The following FRY variants were observed in gnomAD, a reference collection of about 807,000 sequenced individuals.
FRY encodes FRY microtubule binding protein.
Under a neutral mutation model 348.4 loss-of-function variants are expected in FRY, and 128 were observed. The ratio of observed to expected loss-of-function variants is 0.37; its 90% CI spans 0.32 to 0.43. The LOEUF (loss-of-function observed/expected upper bound fraction) is 0.43, where lower values mean the gene tolerates loss of function less well. Ranked by LOEUF, FRY falls within the 20% of genes least tolerant of loss-of-function variation. FRY has a pLI of 1.00. For missense variants in FRY, 2,736 were observed against 3,695.2 expected (o/e 0.74, Z 6.73); for synonymous variants, 1,370 against 1,374.7 (o/e 1.00, Z 0.08).
chr13:32,262,695 G>C (rs1887722035), intron 53 of FRY, among the ~76,000 whole-genome samples: 2 of 152,172 alleles, frequency 1.3e-5, no homozygotes, highest in Admixed American at 6.5e-5. Flanking sequence ...TTGGCTGAAA[G>C]ACTTGATTTG....
chr13:32,249,659 T>C lies in FRY; in HGVS notation c.7142T>C (p.Val2381Ala). The change falls in exon 49 of 61, where the codon GTG becomes GCG. Residue 2381 changes from valine (V) to alanine (A), a missense_variant. By Grantham distance (64) the Val-to-Ala change is moderately conservative. Transcript: ENST00000542859. ...SGSNSNVLVP[V>A]SWKRPQYSQK... Reference sequence around the variant, plus strand: ...TCCAACTCCAACGTCCTTGTTCCAGTGAGCTGGAAAAGGCCCCAGTATTCT... The same window carrying C: ...TCCAACTCCAACGTCCTTGTTCCAGCGAGCTGGAAAAGGCCCCAGTATTCT... The C allele has an allele frequency of 6.2e-7, 1 of 1,613,188 alleles. No individual in the cohort carries two copies. The highest frequency in any genetic ancestry group is 8.5e-7 in the Non-Finnish European group (1 of 1,179,170).
rs1377118027 is a variant in FRY, at chr13:32,237,492, G to A, written c.5924G>A (p.Arg1975Gln). The A allele has an allele frequency of 1.9e-6, 3 of 1,614,014 alleles. No individual in the cohort carries two copies. Among genetic ancestry groups the A allele is most frequent in the East Asian group, 2.2e-5 (1 of 44,886 alleles). The change falls in exon 44 of 61, where the codon CGG (arginine) becomes CAG (glutamine). Residue 1975 changes from arginine to glutamine, a missense_variant. Arg to Gln is a conservative substitution (Grantham distance 43). Coordinates refer to ENST00000542859, the MANE Select transcript of FRY (RefSeq NM_023037.3). This position sits in a 1 kb window ranked among gnomAD's most constrained non-coding sequence, Gnocchi z 6.3. ...TTSGNTATAE[R>Q]SRHQRSFSVP... ...AGCGGCAACACCGCAACTGCCGAAC[G>A]GAGCCGGCATCAACGAAGCTTCTCT... is the stretch of plus-strand genomic sequence containing the variant.
At chr13:32,054,428 A>G (rs2138416796) in intron 1 of FRY, among the ~76,000 whole-genome samples, 1 of 152,022 alleles carries the variant, frequency 6.6e-6, no homozygotes, top group East Asian at 1.9e-4. Flanking sequence ...CTAGACCAAA[A>G]AAAAATAAAA....
At chr13:32,099,286 A>G (rs1030078019) in intron 2 of FRY, among the ~76,000 whole-genome samples, 28 of 152,062 alleles carry the variant, frequency 1.8e-4, no homozygotes, top group East Asian at 1.3e-3. Context: ...ATATATATAC[A>G]GGTTCAAAAT....
intron 3 of FRY, among the ~76,000 whole-genome samples, chr13:32,105,734 T>C (rs1877494410): frequency 6.6e-6 from 1 of 152,194 alleles, no homozygotes; most frequent in African/African-American, 2.4e-5. Context: ...ATAGGTACTA[T>C]GCTAAGTGCA....
intron 1 of FRY, among the ~76,000 whole-genome samples, chr13:32,044,489 T>C (rs1872915169): frequency 6.6e-6 from 1 of 152,216 alleles, no homozygotes; most frequent in South Asian, 2.1e-4. Flanking sequence ...TACCATTTTG[T>C]AGAATAAAAA....
At chr13:32,131,534 T>C (rs577083827) in intron 7 of FRY, 138 bp from the exon 8 acceptor site, 2 of 674,802 alleles carry the variant, frequency 3.0e-6, no homozygotes, top group South Asian at 3.5e-5. Flanking sequence ...ACCAAATCCT[T>C]ACAAAATCAT....
intron 58 of FRY, among the ~76,000 whole-genome samples, chr13:32,286,556 G>C (rs1251088442): frequency 6.6e-6 from 1 of 151,700 alleles, no homozygotes; most frequent in Non-Finnish European, 1.5e-5. Flanking sequence ...GACCATCCTG[G>C]CTAACAAGGT....
At position 32,118,001 on chromosome 13, in the gene FRY, T is replaced by C. The variant is rs531758214; in HGVS notation, c.464+528T>C. Among the ~76,000 whole-genome samples the C allele has an allele frequency of 6.6e-5, 10 of 152,288 alleles. No individual in the cohort carries two copies. In the South Asian group the frequency reaches 2.1e-3, roughly 32 times the overall value. On this transcript the variant is annotated intron_variant, in intron 4 of 60. Coordinates refer to ENST00000542859, the MANE Select transcript of FRY (RefSeq NM_023037.3). ...AAAACAAGGAAGTTAGGTGACACCA[T>C]CTCCAACTCCTCCTTCCAGCTGAGT...
chr13:32,245,787 A>G (rs1481704675), intron 47 of FRY, among the ~76,000 whole-genome samples: 2 of 151,224 alleles, frequency 1.3e-5, no homozygotes, highest in African/African-American at 2.4e-5. Flanking sequence ...GAGCATAGAC[A>G]TCCTTTTCTC....
intron 39 of FRY, among the ~76,000 whole-genome samples, chr13:32,226,816 T>C (rs1233591022): frequency 2.6e-5 from 4 of 152,340 alleles, no homozygotes; most frequent in Non-Finnish European, 5.9e-5. Flanking sequence ...CATAGTTGTT[T>C]GGAAAACAAA....
At chr13:32,142,866 T>C (rs1880163978) in intron 11 of FRY, among the ~76,000 whole-genome samples, 2 of 152,210 alleles carry the variant, frequency 1.3e-5, no homozygotes, top group South Asian at 4.1e-4. Context: ...ACTCACTGTC[T>C]GGTAGGAAAC....
intron 14 of FRY, among the ~76,000 whole-genome samples, chr13:32,153,003 A>G (rs1194240107): frequency 6.6e-6 from 1 of 152,188 alleles, no homozygotes; most frequent in Non-Finnish European, 1.5e-5. Context: ...ATGAAAAGAC[A>G]TTCAACCTCA....
At chr13:32,262,538 C>T (rs918030100) in intron 53 of FRY, 63 bp downstream of exon 53, 1 of 1,285,468 alleles carries the variant, frequency 7.8e-7, no homozygotes, top group South Asian at 1.2e-5. Context: ...AAAACACTTC[C>T]AATTTTCTGA....
intron 1 of FRY, among the ~76,000 whole-genome samples, chr13:32,037,238 A>G (rs1222222196): frequency 2.0e-5 from 3 of 152,214 alleles, no homozygotes; most frequent in Admixed American, 1.3e-4. Context: ...AATAAGGCAC[A>G]TTTCTTCTGT....
intron 1 of FRY, among the ~76,000 whole-genome samples, chr13:32,054,265 G>A (rs1873500829): frequency 1.3e-5 from 2 of 151,856 alleles, no homozygotes; most frequent in Admixed American, 6.6e-5. Flanking sequence ...GACTGTGAAG[G>A]AATTCTGGGA....
At chr13:32,164,544 A>G (rs1185457532) in intron 17 of FRY, among the ~76,000 whole-genome samples, 1 of 152,210 alleles carries the variant, frequency 6.6e-6, no homozygotes. Flanking sequence ...AACAGTGTAT[A>G]CAACGAAGCT....
chr13:32,247,271 G>C, intron 47 of FRY, 52 bp from the exon 48 acceptor site: 1 of 1,468,976 alleles, frequency 6.8e-7, no homozygotes, highest in Non-Finnish European at 9.5e-7. Flanking sequence ...ACATACATTA[G>C]CTTTAAAAAA....
rs1485767017 is a variant in FRY at position 32,239,280 on chromosome 13, G to A, written c.6447G>A (p.Leu2149=). Residue 2149 remains leucine, a synonymous_variant, in exon 45 of 61, where the codon CTG becomes CTA. Transcript: ENST00000542859. The surrounding 1 kb of genome is among the most constrained non-coding windows in gnomAD (Gnocchi z 4.3). ...TTCCACTGAATGTCTTGTGTCTCCT[G>A]CCTCAGCTGATTCAGCATTTTGAAA... is the stretch of plus-strand genomic sequence containing the variant. The part of the protein sequence containing the change: ...IGFPLNVLCL[L]PQLIQHFENP... 23 of 1,609,278 alleles carry A rather than the reference G, an allele frequency of 1.4e-5. No individual in the cohort carries two copies. Among genetic ancestry groups the A allele is most frequent in the Non-Finnish European group, 2.0e-5 (23 of 1,175,784 alleles).
Sources: allele counts gnomAD v4.1 joint callset (sites outside exome capture counted in the v4.1 genomes callset), GRCh38; gene constraint gnomAD v4.1.1; non-coding constraint Gnocchi (gnomAD v3.1); transcripts MANE v1.5; gene names NCBI Gene and HGNC (gene_info 2026-07-23, HGNC 2026-07-21).